The following MAPK8IP3 variants were observed in gnomAD, a reference collection of about 807,000 sequenced individuals.
MAPK8IP3 encodes mitogen-activated protein kinase 8 interacting protein 3.
Under a neutral mutation model 157.8 loss-of-function variants are expected in MAPK8IP3, and 49 were observed. The ratio of observed to expected loss-of-function variants is 0.31; its 90% confidence interval spans 0.25 to 0.39. The LOEUF is 0.39. MAPK8IP3 is among the 10% of genes least tolerant of loss of function. The pLI, the probability that MAPK8IP3 is intolerant of heterozygous loss-of-function variation, is 1.00. For synonymous variants in MAPK8IP3, 897 were observed against 777.7 expected (o/e 1.15, Z -2.55); for missense variants, 1,478 against 1,889.4 (o/e 0.78, Z 4.04).
intron 8 of MAPK8IP3, among the ~76,000 whole-genome samples, chr16:1,754,030 G>A (rs1054285956): frequency 3.3e-5 from 5 of 151,912 alleles, no homozygotes; most frequent in Admixed American, 6.6e-5. Context: ...AGAATTAACT[G>A]AGTGCAGTGG....
chr16:1,736,053 ACCGTCCGTG>A (rs2039748627), intron 4 of MAPK8IP3, among the ~76,000 whole-genome samples: 1 of 89,584 alleles, frequency 1.1e-5, no homozygotes, highest in Non-Finnish European at 2.1e-5. Flanking sequence ...TGAGCGTGTG[ACCGTCCGTG>A]TGTGTGACCA....
rs1169777648 is a variant in MAPK8IP3 at position 1,767,809 on chromosome 16, T to C, written c.3414T>C (p.Thr1138=). Residue 1138 remains threonine (T), a synonymous_variant, in exon 28 of 32, where the codon ACT becomes ACC. Coordinates refer to ENST00000610761, the MANE Select transcript of MAPK8IP3 (RefSeq NM_001318852.2). ...IEPYVSKMLG[T]GKLGFSFVRI... ...CCTGACCGCTCTCCCCCACAGGCAC[T>C]GGCAAGCTGGGTTTCTCCTTCGTAC... 6.2e-7 allele frequency: 1 copy of C among 1,611,220 alleles called. No homozygotes were observed. Among genetic ancestry groups the C allele is most frequent in the Non-Finnish European group, 8.5e-7 (1 of 1,179,878 alleles).
chr16:1,713,016 A>G (rs1567135101), intron 1 of MAPK8IP3, among the ~76,000 whole-genome samples: 2 of 152,306 alleles, frequency 1.3e-5, no homozygotes, highest in South Asian at 4.1e-4. Flanking sequence ...GATGCTGGCC[A>G]TCTGTGTGTG....
In MAPK8IP3 at chr16:1,768,711, G is replaced by A. The variant is rs2042435203; in HGVS notation, c.3901G>A (p.Glu1301Lys). The A allele has an allele frequency of 6.2e-7, 1 of 1,611,908 alleles. No homozygotes were observed. The highest frequency in any genetic ancestry group is 8.5e-7 in the Non-Finnish European group (1 of 1,179,334). Residue 1301 changes from glutamate (E) to lysine (K), a missense_variant, in exon 32 of 32, where the codon GAG (glutamate) becomes AAG (lysine). Coordinates refer to ENST00000610761, the MANE Select transcript of MAPK8IP3 (RefSeq NM_001318852.2). ...TGCTGCTTTGCCCGCAGGAGACGGA[G>A]AGGACGACGAGACGGAGGAGGGCGC... ...GYIDFRIGDGEDDETEEGAGD... is the reference protein window; with the variant it reads ...GYIDFRIGDGKDDETEEGAGD...
intron 1 of MAPK8IP3, among the ~76,000 whole-genome samples, chr16:1,719,493 A>G (rs1414291470): frequency 1.3e-5 from 2 of 152,166 alleles, no homozygotes; most frequent in African/African-American, 2.4e-5. Context: ...AGAAAGTACC[A>G]TAACACCACA....
At chr16:1,763,514 C>T (rs1290705803) in intron 16 of MAPK8IP3, 143 bp from the exon 17 acceptor site, 33 of 1,233,562 alleles carry the variant, frequency 2.7e-5, no homozygotes, top group Non-Finnish European at 3.5e-5. Flanking sequence ...GCCACCCTTC[C>T]CAGCTGGGCA....
At chr16:1,760,915 G>C (rs1288335958) in intron 12 of MAPK8IP3, among the ~76,000 whole-genome samples, 1 of 152,208 alleles carries the variant, frequency 6.6e-6, no homozygotes, top group Admixed American at 6.5e-5. Flanking sequence ...AAGGGACCCA[G>C]ATCTGCTCTG....
rs1210658914 is a variant in MAPK8IP3, at chr16:1,751,040, G to A, written c.1216+2320G>A. On this transcript the variant is annotated intron_variant, in intron 8 of 31. Transcript: ENST00000610761. This position sits in a 1 kb window ranked among gnomAD's most constrained non-coding sequence, Gnocchi z 5.0. Reference sequence around the variant, plus strand: ...TACGCAGAACACACAGTGTCAGGTCGCAGCTGCCCTTCTCATTGTGGGCGG... The same window carrying A: ...TACGCAGAACACACAGTGTCAGGTCACAGCTGCCCTTCTCATTGTGGGCGG... Among the ~76,000 whole-genome samples, 1 of 152,222 alleles carries A rather than the reference G, an allele frequency of 6.6e-6. No homozygotes were observed. Among genetic ancestry groups the A allele is most frequent in the Admixed American group, 6.5e-5 (1 of 15,288 alleles).
Position 1,706,200 on chromosome 16 carries a change from C to T in MAPK8IP3, c.-140C>T, listed in dbSNP as rs1056217360. The T allele has an allele frequency of 3.1e-6, 2 of 640,514 alleles. No individual in the cohort carries two copies. The highest frequency in any genetic ancestry group is 1.9e-5 in the African/African-American group (1 of 52,016). The allele number at this position is 640,514 out of a possible 1,614,324, so 39.7% of individuals were successfully genotyped here. On this transcript the variant is annotated 5_prime_UTR_variant, in exon 1 of 32. Transcript: ENST00000610761. The surrounding 1 kb of genome is among the most constrained non-coding windows in gnomAD (Gnocchi z 5.1). ...GGTGAGTGAGTGACGGGCGCAGCCT[C>T]GGCAGCGGCGGCGGCGGAGCCCTGA...
chr16:1,707,659 C>A (rs2037490038), intron 1 of MAPK8IP3: 1 of 152,222 alleles, frequency 6.6e-6, no homozygotes, highest in South Asian at 2.1e-4. Flanking sequence ...GGCTGGTTCC[C>A]ATCCCTGCTT....
intron 2 of MAPK8IP3, among the ~76,000 whole-genome samples, chr16:1,726,017 C>T (rs146877525): frequency 8.1e-4 from 123 of 152,330 alleles, no homozygotes; most frequent in African/African-American, 2.6e-3. Context: ...CAATCGGCTG[C>T]GGTTTCCCTA....
Position 1,764,517 on chromosome 16 carries a change from C to G in MAPK8IP3, c.2280+58C>G. ...CTGGCTTAGTCTCAGGACAGCTCAG[C>G]TGCAGAGCATGCTGGGAGTGAGACA... is the stretch of plus-strand genomic sequence containing the variant. On this transcript the variant is annotated intron_variant, in intron 19 of 31. Transcript: ENST00000610761. The G allele has an allele frequency of 1.9e-6, 3 of 1,570,640 alleles. No homozygotes were observed. In the South Asian group the frequency reaches 3.5e-5, roughly 18 times the overall value.
chr16:1,746,846 A>C (rs2040992843), intron 5 of MAPK8IP3, 183 bp from the exon 6 acceptor site: 19 of 675,800 alleles, frequency 2.8e-5, no homozygotes, highest in Non-Finnish European at 3.9e-5. Flanking sequence ...AAGCAGAGCC[A>C]CTCGGGAGTG....
intron 2 of MAPK8IP3, among the ~76,000 whole-genome samples, chr16:1,728,355 G>A (rs951928164): frequency 1.3e-5 from 2 of 152,194 alleles, no homozygotes; most frequent in South Asian, 2.1e-4. Flanking sequence ...TGCCAGACAC[G>A]ACCCTTTGAC....
chr16:1,764,041 T>C, intron 17 of MAPK8IP3, 74 bp from the exon 18 acceptor site: 1 of 1,417,304 alleles, frequency 7.1e-7, no homozygotes, highest in Non-Finnish European at 9.5e-7. Context: ...CTGGCAGCCC[T>C]ACCTGTCTCA....
intron 4 of MAPK8IP3, among the ~76,000 whole-genome samples, chr16:1,737,123 C>G (rs543343702): frequency 8.1e-5 from 6 of 74,230 alleles, no homozygotes; most frequent in African/African-American, 2.7e-4. Context: ...TCTGTGTGAC[C>G]GTCCGTGTGA....
intron 17 of MAPK8IP3, 59 bp downstream of exon 17, chr16:1,763,842 G>T: frequency 7.9e-7 from 1 of 1,263,064 alleles, no homozygotes; most frequent in Non-Finnish European, 1.0e-6. Flanking sequence ...CGGGGGTAAG[G>T]GGCGGGGCGC....
chr16:1,722,701 A>G (rs1234650612), intron 1 of MAPK8IP3, among the ~76,000 whole-genome samples: 1 of 151,854 alleles, frequency 6.6e-6, no homozygotes, highest in Non-Finnish European at 1.5e-5. Flanking sequence ...CCCATCTCAA[A>G]AAAAAAAAAA....
At chr16:1,761,571 G>A (rs1457814708) in intron 13 of MAPK8IP3, among the ~76,000 whole-genome samples, 67 of 147,340 alleles carry the variant, frequency 4.5e-4, no homozygotes, top group Middle Eastern at 3.5e-3. Context: ...CACACAGGGC[G>A]ACCACCATTC....
Sources: gnomAD v4.1 joint callset for allele counts (sites outside exome capture counted in the v4.1 genomes callset) on GRCh38, gnomAD v4.1.1 for gene constraint, Gnocchi (gnomAD v3.1) non-coding constraint, MANE v1.5 for transcripts, NCBI Gene and HGNC (gene_info 2026-07-23, HGNC 2026-07-21) for gene names.